Variants in ANKRD31 observed in about 807,000 individuals in gnomAD.
ANKRD31 encodes ankyrin repeat domain-containing protein 31.
A neutral mutation model predicts 186.0 loss-of-function variants in ANKRD31; 147 were observed. The ratio of observed to expected loss-of-function variants is 0.79; its 90% CI spans 0.69 to 0.91. The LOEUF is 0.91. Ranked by LOEUF, ANKRD31 falls within the 40% of genes least tolerant of loss-of-function variation. The probability of loss-of-function intolerance (pLI) is 0.00; values close to 1 mark genes in which losing one functional copy is unlikely to be tolerated. For synonymous variants in ANKRD31, 673 were observed against 736.4 expected (o/e 0.91, Z 1.39); for missense variants, 1,986 against 2,148.8 (o/e 0.92, Z 1.50).
chr5:75,098,363 G>A (rs558928078), intron 22 of ANKRD31, among the ~76,000 whole-genome samples: 12 of 151,686 alleles, frequency 7.9e-5, no homozygotes, highest in Admixed American at 1.3e-4. Context: ...CTCAGGTAGC[G>A]TGATGCCTCC....
In ANKRD31 at chr5:75,219,243, T is replaced by C. The variant is rs372850813; in HGVS notation, c.288+3006A>G. Among the ~76,000 whole-genome samples the C allele has an allele frequency of 6.6e-5, 10 of 152,130 alleles. No individual in the cohort carries two copies. In the East Asian group the frequency reaches 1.2e-3, roughly 18 times the overall value. ...ATGCTTCTATATCTAGAAAACCCCA[T>C]AGTCTCTGCCCAAAAGCTCCTTGAG... On this transcript the variant is annotated intron_variant, in intron 3 of 25. Transcript: ENST00000506364.
chr5:75,162,479 G>C (rs1752635374), intron 11 of ANKRD31, among the ~76,000 whole-genome samples: 1 of 152,180 alleles, frequency 6.6e-6, no homozygotes, highest in African/African-American at 2.4e-5. Context: ...AGGTGGAAGG[G>C]ACTTGTCTTG....
intron 17 of ANKRD31, among the ~76,000 whole-genome samples, chr5:75,137,542 C>G (rs1362394563): frequency 6.6e-6 from 1 of 152,050 alleles, no homozygotes; most frequent in African/African-American, 2.4e-5. Flanking sequence ...TAATTAGACT[C>G]TTCTGTGCAC....
chr5:75,181,810 A>G (rs1754319665), intron 10 of ANKRD31, among the ~76,000 whole-genome samples: 3 of 151,832 alleles, frequency 2.0e-5, no homozygotes, highest in South Asian at 4.2e-4. Context: ...GGTGCAGCAC[A>G]CCAACGTGGC....
At chr5:75,093,530 C>A (rs930875557) in intron 22 of ANKRD31, among the ~76,000 whole-genome samples, 4 of 151,878 alleles carry the variant, frequency 2.6e-5, no homozygotes, top group Non-Finnish European at 5.9e-5. Context: ...TACTGAAAAG[C>A]ATTAATCTAC....
intron 23 of ANKRD31, 138 bp downstream of exon 23, chr5:75,091,123 C>T: frequency 3.4e-6 from 3 of 874,472 alleles, no homozygotes; most frequent in South Asian, 3.9e-5. Flanking sequence ...GATATGCATA[C>T]AGCATATACA....
At chr5:75,114,386 C>T (rs971948741) in intron 19 of ANKRD31, among the ~76,000 whole-genome samples, 1 of 152,100 alleles carries the variant, frequency 6.6e-6, no homozygotes, top group Non-Finnish European at 1.5e-5. Flanking sequence ...GCAGCTACTC[C>T]ATAATTCTGT....
In ANKRD31 at chr5:75,174,605, T is replaced by C. The variant is rs574609621; in HGVS notation, c.1565-5484A>G. 7.2e-5 allele frequency among the ~76,000 whole-genome samples: 11 copies of C among 152,324 alleles called. No individual in the cohort carries two copies. In the South Asian group the frequency reaches 1.4e-3, roughly 20 times the overall value. On this transcript the variant is annotated intron_variant, in intron 10 of 25. Transcript: ENST00000506364. ...GACACTTCTCAAAAGAAGATATTTATGCAGCCAACAGACACATGAAAAAAT... is the reference window on the plus strand; with the variant it reads ...GACACTTCTCAAAAGAAGATATTTACGCAGCCAACAGACACATGAAAAAAT...
intron 4 of ANKRD31, 110 bp from the exon 5 acceptor site, chr5:75,206,597 A>G (rs978648014): frequency 6.4e-6 from 3 of 469,370 alleles, no homozygotes; most frequent in African/African-American, 2.0e-5. Context: ...TCCAAATAGG[A>G]TAATTTTTTG....
At chr5:75,130,716 T>C (rs2150109448) in intron 17 of ANKRD31, among the ~76,000 whole-genome samples, 1 of 152,316 alleles carries the variant, frequency 6.6e-6, no homozygotes, top group East Asian at 1.9e-4. Flanking sequence ...TACAAACCTT[T>C]AGCTAGACAG....
intron 19 of ANKRD31, among the ~76,000 whole-genome samples, chr5:75,115,353 C>G (rs997159324): frequency 1.2e-4 from 19 of 152,114 alleles, no homozygotes; most frequent in East Asian, 1.9e-4. Context: ...CATGGGCAAG[C>G]ACTTCATGTC....
intron 18 of ANKRD31, 110 bp from the exon 19 acceptor site, chr5:75,116,791 A>G (rs1580357247): frequency 4.0e-6 from 2 of 504,278 alleles, no homozygotes; most frequent in Admixed American, 3.9e-5. Context: ...TGCAACTATT[A>G]TAATATCTTA....
chr5:75,203,385 CG>C (rs1472940780), intron 5 of ANKRD31, among the ~76,000 whole-genome samples: 3 of 152,014 alleles, frequency 2.0e-5, no homozygotes, highest in Non-Finnish European at 2.9e-5. Context: ...AAGGGGAGGC[CG>C]GGCGCGGTGG....
chr5:75,146,087 T>C lies in ANKRD31; in HGVS notation c.3324A>G (p.Ile1108Met). Residue 1108 changes from isoleucine (I) to methionine (M), a missense_variant, in exon 14 of 26, where the codon ATA becomes ATG. By Grantham distance (10) the Ile-to-Met change is conservative (BLOSUM62 1). Coordinates refer to ENST00000506364, the MANE Select transcript of ANKRD31 (RefSeq NM_001372053.1). Reference sequence around the variant, plus strand: ...CAGTGGAATGAGAATCTATATTGTGTATAGTCTCACTTTCTAGATGGTTTT... The same window carrying C: ...CAGTGGAATGAGAATCTATATTGTGCATAGTCTCACTTTCTAGATGGTTTT... ...RRQNHLESET[I>M]HNIDSHSTDN... The C allele has an allele frequency of 6.5e-7, 1 of 1,535,516 alleles. No homozygotes were observed. Among genetic ancestry groups the C allele is most frequent in the Non-Finnish European group, 8.7e-7 (1 of 1,145,836 alleles).
intron 11 of ANKRD31, among the ~76,000 whole-genome samples, chr5:75,158,209 T>C (rs1288298992): frequency 1.3e-5 from 2 of 152,078 alleles, no homozygotes; most frequent in East Asian, 3.9e-4. Flanking sequence ...CCACACCAGA[T>C]CCAACAGTAA....
intron 7 of ANKRD31, 85 bp from the exon 8 acceptor site, chr5:75,193,676 T>A: frequency 7.7e-7 from 1 of 1,302,212 alleles, no homozygotes; most frequent in African/African-American, 1.5e-5. Context: ...GTCTTGACCT[T>A]TGCTTAAATT....
chr5:75,091,551 A>G, intron 22 of ANKRD31, 150 bp from the exon 23 acceptor site: 1 of 725,092 alleles, frequency 1.4e-6, no homozygotes, highest in South Asian at 2.4e-5. Flanking sequence ...AGAAATGGTC[A>G]TAAGGGCATG....
At chr5:75,084,477 A>G in intron 23 of ANKRD31, 103 bp from the exon 24 acceptor site, 1 of 904,664 alleles carries the variant, frequency 1.1e-6, no homozygotes, top group South Asian at 1.5e-5. Context: ...TGATTGTTGT[A>G]TGTTGTGGAT....
intron 10 of ANKRD31, among the ~76,000 whole-genome samples, chr5:75,169,949 G>T (rs1313716370): frequency 6.6e-6 from 1 of 152,072 alleles, no homozygotes; most frequent in Non-Finnish European, 1.5e-5. Flanking sequence ...CCCTGGGGAG[G>T]GGGTGGGAGC....
Sources: gnomAD v4.1 joint callset for allele counts (sites outside exome capture counted in the v4.1 genomes callset) on GRCh38, gnomAD v4.1.1 for gene constraint, MANE v1.5 for transcripts, NCBI Gene and HGNC (gene_info 2026-07-23, HGNC 2026-07-21) for gene names.